PLAC1: variants seen among roughly 807,000 people sequenced by gnomAD.
PLAC1 encodes the protein placenta-specific protein 1.
For missense variants in PLAC1, 136 were observed against 163.2 expected (o/e 0.83, Z 0.91); for synonymous variants, 68 against 62.1 (o/e 1.09, Z -0.44).
upstream of PLAC1, among the ~76,000 whole-genome samples, chrX:134,662,160 G>A (rs1416225801): frequency 9.0e-6 from 1 of 111,083 alleles, no homozygotes; most frequent in Non-Finnish European, 1.9e-5. Flanking sequence ...TTGAGCCCAG[G>A]AGGTCAAGGC....
intron 2 of PLAC1, among the ~76,000 whole-genome samples, chrX:134,584,951 C>A (rs376468389): frequency 1.8e-4 from 20 of 110,804 alleles, no homozygotes; most frequent in Middle Eastern, 4.6e-3. Flanking sequence ...ACAGGCAGAA[C>A]GTCTTTCTCC....
At chrX:134,673,345 A>T (rs947644986) in intron 2 of PLAC1, among the ~76,000 whole-genome samples, 3 of 100,235 alleles carry the variant, frequency 3.0e-5, no homozygotes, top group Non-Finnish European at 6.0e-5. Flanking sequence ...GAAGGGAAGG[A>T]GGGAGGGAGG....
At chrX:134,746,820 T>G (rs1490903250) in intron 1 of PLAC1, among the ~76,000 whole-genome samples, 1 of 112,060 alleles carries the variant, frequency 8.9e-6, no homozygotes, top group Non-Finnish European at 1.9e-5. Flanking sequence ...CCAAGTCTCT[T>G]GGATTAGTAT....
intron 1 of PLAC1, among the ~76,000 whole-genome samples, chrX:134,763,699 T>C (rs1191298529): frequency 9.1e-6 from 1 of 109,916 alleles, no homozygotes; most frequent in Non-Finnish European, 1.9e-5. Context: ...CGGGTGATTG[T>C]AATCCCACCT....
intron 2 of PLAC1, among the ~76,000 whole-genome samples, chrX:134,577,725 A>G (rs761005916): frequency 1.7e-4 from 18 of 105,181 alleles, no homozygotes; most frequent in African/African-American, 5.3e-4. Flanking sequence ...GTTCTATCAC[A>G]GAATGCCTCA....
At chrX:134,577,451 G>A (rs1235773772) in intron 2 of PLAC1, among the ~76,000 whole-genome samples, 1 of 111,524 alleles carries the variant, frequency 9.0e-6, no homozygotes, top group East Asian at 2.8e-4. Flanking sequence ...CACTTTGGGA[G>A]GCCAAGGCGG....
chrX:134,590,951 G>T (rs887751041), intron 2 of PLAC1, among the ~76,000 whole-genome samples: 1 of 103,698 alleles, frequency 9.6e-6, no homozygotes. Flanking sequence ...TCAGTTGTCA[G>T]ATACAGAGTT....
intron 2 of PLAC1, among the ~76,000 whole-genome samples, chrX:134,594,966 C>A (rs998181269): frequency 9.3e-5 from 10 of 107,708 alleles, no homozygotes; most frequent in Admixed American, 8.1e-4. Context: ...TGACTTGAGA[C>A]CTTTCCTCTT....
At chrX:134,733,124 A>C (rs896006115) in intron 2 of PLAC1, among the ~76,000 whole-genome samples, 3 of 111,670 alleles carry the variant, frequency 2.7e-5, no homozygotes, top group Non-Finnish European at 3.8e-5. Flanking sequence ...TGGGAAATTC[A>C]AAAGGAAGAG....
rs1386447368 is a variant in PLAC1, at chrX:134,629,151, A to G, written c.-130-27029T>C. Among the ~76,000 whole-genome samples the G allele has an allele frequency of 9.8e-5, 11 of 111,789 alleles. No individual in the cohort carries two copies. The Admixed American group carries it at 1.0e-3, about 11-fold the overall frequency. On this transcript the variant is annotated intron_variant, in intron 1 of 2. Coordinates refer to ENST00000359237, the MANE Select transcript of PLAC1 (RefSeq NM_021796.4). Reference sequence around the variant, plus strand: ...CCCCTGCATGCTGAGCTCCGGTTAGATGTGATGGCAAATAACTTTCTATCA... The same window carrying G: ...CCCCTGCATGCTGAGCTCCGGTTAGGTGTGATGGCAAATAACTTTCTATCA...
intron 2 of PLAC1, among the ~76,000 whole-genome samples, chrX:134,723,770 A>T (rs2078665790): frequency 1.8e-5 from 2 of 112,018 alleles, no homozygotes; most frequent in African/African-American, 6.5e-5. Context: ...TCCATTGAAT[A>T]CCTTTAAAAG....
At chrX:134,712,839 A>G (rs190498632) in intron 2 of PLAC1, among the ~76,000 whole-genome samples, 148 of 111,708 alleles carry the variant, frequency 1.3e-3, no homozygotes, top group Non-Finnish European at 2.6e-3. Context: ...CACTCCCATG[A>G]GTGTCCTTGG....
chrX:134,759,847 A>T (rs1209404163), intron 1 of PLAC1, among the ~76,000 whole-genome samples: 1 of 112,229 alleles, frequency 8.9e-6, no homozygotes, highest in Non-Finnish European at 1.9e-5. Flanking sequence ...TCTTACTTAT[A>T]TGTGGGAGCT....
intron 2 of PLAC1, among the ~76,000 whole-genome samples, chrX:134,703,890 A>G (rs1569408149): frequency 1.8e-5 from 2 of 108,361 alleles, no homozygotes; most frequent in Non-Finnish European, 3.8e-5. Flanking sequence ...CAAAGGATAA[A>G]TCGAAATATA....
At chrX:134,641,271 G>A (rs772954693) in intron 1 of PLAC1, among the ~76,000 whole-genome samples, 1 of 110,646 alleles carries the variant, frequency 9.0e-6, no homozygotes, top group Non-Finnish European at 1.9e-5. Flanking sequence ...AAAAGAAGAA[G>A]AAGAAAGAAG....
At chrX:134,665,564 G>A (rs2078433789) in intron 2 of PLAC1, among the ~76,000 whole-genome samples, 1 of 111,443 alleles carries the variant, frequency 9.0e-6, no homozygotes, top group Admixed American at 9.5e-5. Context: ...CCCTTTGATG[G>A]AATGCCTCCT....
chrX:134,653,115 C>T lies in PLAC1; in HGVS notation c.-131+5213G>A, dbSNP rs530088870. The stretch of plus-strand genomic sequence containing the variant: ...CACAATCATTACAGTCCAGGTGTGC[C>T]TGTGGGGCCATATATGAGAAGAGTC... On this transcript the variant is annotated intron_variant, in intron 1 of 2. Transcript: ENST00000359237. Among the ~76,000 whole-genome samples, 60 of 112,701 alleles carry T rather than the reference C, an allele frequency of 5.3e-4. 1 individual carries two copies. The South Asian group carries it at 0.011, about 20-fold the overall frequency.
At chrX:134,697,016 G>C (rs1295690135) in intron 2 of PLAC1, among the ~76,000 whole-genome samples, 2 of 105,384 alleles carry the variant, frequency 1.9e-5, no homozygotes, top group African/African-American at 7.0e-5. Flanking sequence ...CTGGGCAACA[G>C]AGCGAGACTC....
chrX:134,727,082 C>T (rs1166637007), intron 2 of PLAC1, among the ~76,000 whole-genome samples: 2 of 111,056 alleles, frequency 1.8e-5, no homozygotes, highest in African/African-American at 3.3e-5. Flanking sequence ...AGGCTTCCTC[C>T]TTTGCTCGGA....
Sources: gnomAD v4.1 joint callset for allele counts (sites outside exome capture counted in the v4.1 genomes callset) on GRCh38, gnomAD v4.1.1 for gene constraint, MANE v1.5 for transcripts, NCBI Gene and HGNC (gene_info 2026-07-23, HGNC 2026-07-21) for gene names.